Variants in CYP2C18 observed in about 807,000 individuals in gnomAD.
The protein encoded by CYP2C18 is cytochrome P450 family 2 subfamily C member 18.
CYP2C18 carries 38 observed loss-of-function variants against 41.3 expected under a neutral mutation model. The observed-to-expected ratio is 0.92, with a 90% CI of 0.71 to 1.21. The LOEUF is 1.21. Ranked by LOEUF, CYP2C18 falls within the 50% of genes most tolerant of loss-of-function variation. The pLI is 0.00. For synonymous variants in CYP2C18, 236 were observed against 210.0 expected (o/e 1.12, Z -1.07); for missense variants, 635 against 591.4 (o/e 1.07, Z -0.77).
chr10:94,713,798 CA>C (rs1847489686), intron 5 of CYP2C18, among the ~76,000 whole-genome samples: 2 of 152,232 alleles, frequency 1.3e-5, no homozygotes, highest in Non-Finnish European at 2.9e-5. Context: ...GTCCCACCAA[CA>C]GTGTGTAAAA....
chr10:94,735,160 C>A (rs1335291516), intron 8 of CYP2C18, 103 bp from the exon 9 acceptor site: 3 of 1,177,904 alleles, frequency 2.5e-6, no homozygotes, highest in African/African-American at 3.1e-5. Context: ...GCCTTCGATC[C>A]ATCCATCTAT....
intron 5 of CYP2C18, among the ~76,000 whole-genome samples, chr10:94,710,713 G>C (rs1227746275): frequency 5.3e-5 from 8 of 152,130 alleles, no homozygotes; most frequent in Admixed American, 5.2e-4. Flanking sequence ...GATAAGCTTA[G>C]AAAACTGTGT....
At chr10:94,724,273 T>G (rs1235830102) in intron 6 of CYP2C18, 73 bp from the exon 7 acceptor site, 14 of 1,493,910 alleles carry the variant, frequency 9.4e-6, no homozygotes, top group Non-Finnish European at 1.3e-5. Context: ...CTTATGCTTC[T>G]TGTAACCTGA....
At chr10:94,710,334 A>G (rs1052993166) in intron 5 of CYP2C18, among the ~76,000 whole-genome samples, 2 of 152,170 alleles carry the variant, frequency 1.3e-5, no homozygotes, top group African/African-American at 4.8e-5. Context: ...GTTCTTTCCC[A>G]AGATTGTTTT....
intron 5 of CYP2C18, among the ~76,000 whole-genome samples, chr10:94,714,805 C>T (rs536799695): frequency 4.3e-4 from 65 of 152,248 alleles, no homozygotes; most frequent in African/African-American, 1.3e-3. Flanking sequence ...TCTTCCTATC[C>T]GTAAGCATGG....
intron 3 of CYP2C18, among the ~76,000 whole-genome samples, chr10:94,689,337 A>C (rs1391736193): frequency 6.6e-6 from 1 of 151,602 alleles, no homozygotes; most frequent in Non-Finnish European, 1.5e-5. Flanking sequence ...TTACTTGTGT[A>C]TTAATCATGT....
intron 5 of CYP2C18, among the ~76,000 whole-genome samples, chr10:94,717,882 A>G (rs977917384): frequency 5.3e-5 from 8 of 152,094 alleles, no homozygotes; most frequent in Admixed American, 3.9e-4. Flanking sequence ...AAATCAGGTA[A>G]TGTGATGCCT....
chr10:94,701,995 TAA>T (rs566454665), intron 4 of CYP2C18, among the ~76,000 whole-genome samples: 2 of 149,544 alleles, frequency 1.3e-5, no homozygotes, highest in African/African-American at 4.9e-5. Flanking sequence ...ATGTCACTGG[TAA>T]AAAAAAAATA....
chr10:94,735,957 A>G lies in CYP2C18; in HGVS notation c.*513A>G, dbSNP rs560181718. ...AGGGTAGGAAAGCTGTTTTAGCTAAATGCCACCTAGAGTTATTGGAGGTCT... is the reference window on the plus strand; with the variant it reads ...AGGGTAGGAAAGCTGTTTTAGCTAAGTGCCACCTAGAGTTATTGGAGGTCT... On this transcript the variant is annotated 3_prime_UTR_variant, in exon 9 of 9. Transcript: ENST00000285979. 6.5e-6 allele frequency: 1 copy of G among 153,508 alleles called. No individual in the cohort carries two copies. The highest frequency in any genetic ancestry group is 1.9e-4 in the East Asian group (1 of 5,202). The allele number at this position is 153,508 out of a possible 1,614,324, so 9.5% of individuals were successfully genotyped here.
chr10:94,690,073 T>A (rs1846967208), intron 3 of CYP2C18, among the ~76,000 whole-genome samples: 1 of 152,038 alleles, frequency 6.6e-6, no homozygotes, highest in Non-Finnish European at 1.5e-5. Flanking sequence ...TGGTGTGGAG[T>A]GCCCCTCCTT....
Position 94,698,948 on chromosome 10 carries a change from A to G in CYP2C18, c.642+3871A>G, listed in dbSNP as rs372654237. Among the ~76,000 whole-genome samples, 44 of 152,344 alleles carry G rather than the reference A, an allele frequency of 2.9e-4. 1 individual carries two copies. The South Asian group carries it at 8.7e-3, about 30-fold the overall frequency. ...AACCAGGAAGAAGTTGAATCCCTGA[A>G]TAGACCAATAACAGGCTCTGAAATT... On this transcript the variant is annotated intron_variant, in intron 4 of 8. Coordinates refer to ENST00000285979, the MANE Select transcript of CYP2C18 (RefSeq NM_000772.3).
chr10:94,727,367 C>A lies in CYP2C18; in HGVS notation c.1149+2834C>A, dbSNP rs192733479. On this transcript the variant is annotated intron_variant, in intron 7 of 8. Coordinates refer to ENST00000285979, the MANE Select transcript of CYP2C18 (RefSeq NM_000772.3). ...TGGAGATTCCCATTTGTAATCCCAGCTCTTTGGGAGGCCAAAGTGGAAGGA... is the reference window on the plus strand; with the variant it reads ...TGGAGATTCCCATTTGTAATCCCAGATCTTTGGGAGGCCAAAGTGGAAGGA... Among the ~76,000 whole-genome samples, 45 of 152,248 alleles carry A rather than the reference C, an allele frequency of 3.0e-4. 1 individual carries two copies. In the South Asian group the frequency reaches 5.4e-3, roughly 18 times the overall value.
rs139996619 is a variant in CYP2C18 at position 94,687,252 on chromosome 10, T to C, written c.169-518T>C. Among the ~76,000 whole-genome samples the C allele has an allele frequency of 4.5e-4, 68 of 152,286 alleles. 2 individuals are homozygous for C. The East Asian group carries it at 0.013, about 28-fold the overall frequency. On this transcript the variant is annotated intron_variant, in intron 1 of 8. Coordinates refer to ENST00000285979, the MANE Select transcript of CYP2C18 (RefSeq NM_000772.3). ...GGGCTGGGCAGTAGAATCATTTGGGTGATTTAAAAAGGTGTAGATTTTTTA... is the reference window on the plus strand; with the variant it reads ...GGGCTGGGCAGTAGAATCATTTGGGCGATTTAAAAAGGTGTAGATTTTTTA...
At chr10:94,709,858 A>G (rs990232234) in intron 5 of CYP2C18, among the ~76,000 whole-genome samples, 1 of 152,170 alleles carries the variant, frequency 6.6e-6, no homozygotes, top group Non-Finnish European at 1.5e-5. Context: ...AAGACTATTC[A>G]TTCCCCATTG....
intron 5 of CYP2C18, among the ~76,000 whole-genome samples, chr10:94,712,303 C>T (rs1847452486): frequency 6.6e-6 from 1 of 151,836 alleles, no homozygotes; most frequent in Non-Finnish European, 1.5e-5. Context: ...TTTACTCCTC[C>T]ATTCTAACAG....
chr10:94,687,518 A>G (rs1376459802), intron 1 of CYP2C18, among the ~76,000 whole-genome samples: 1 of 152,236 alleles, frequency 6.6e-6, no homozygotes, highest in Non-Finnish European at 1.5e-5. Flanking sequence ...TGTAAAATAG[A>G]GTAAACAAGG....
intron 5 of CYP2C18, among the ~76,000 whole-genome samples, chr10:94,713,146 T>C (rs1847469577): frequency 6.6e-6 from 1 of 152,106 alleles, no homozygotes; most frequent in Non-Finnish European, 1.5e-5. Context: ...AGAAATTTAA[T>C]ATGTTTTTCT....
intron 3 of CYP2C18, among the ~76,000 whole-genome samples, chr10:94,692,731 T>A (rs968972307): frequency 1.3e-5 from 2 of 152,198 alleles, no homozygotes; most frequent in Non-Finnish European, 2.9e-5. Context: ...GGTATGTTTA[T>A]TGCGGCACTA....
chr10:94,734,371 A>G (rs1344046806), intron 8 of CYP2C18, among the ~76,000 whole-genome samples: 1 of 152,140 alleles, frequency 6.6e-6, no homozygotes, highest in East Asian at 1.9e-4. Flanking sequence ...ATACACTGAG[A>G]TGTCAAGAAC....
Sources: allele counts gnomAD v4.1 joint callset (sites outside exome capture counted in the v4.1 genomes callset), GRCh38; gene constraint gnomAD v4.1.1; transcripts MANE v1.5; gene names NCBI Gene and HGNC (gene_info 2026-07-23, HGNC 2026-07-21).